PSMD14: variants seen among roughly 807,000 people sequenced by gnomAD.
PSMD14 encodes the protein proteasome 26S subunit, non-ATPase 14.
In PSMD14, 7 loss-of-function variants were observed where a neutral mutation model predicts 41.2. That is an observed-to-expected ratio of 0.17 (90% confidence interval 0.10 to 0.32). The LOEUF is 0.32. Ranked by LOEUF, PSMD14 falls within the 10% of genes least tolerant of loss-of-function variation. The pLI is 1.00. For missense variants in PSMD14, 139 were observed against 375.6 expected (o/e 0.37, Z 5.21); for synonymous variants, 114 against 122.3 (o/e 0.93, Z 0.45).
chr2:161,327,525 A>G (rs1025302455), intron 3 of PSMD14, among the ~76,000 whole-genome samples: 1 of 152,034 alleles, frequency 6.6e-6, no homozygotes, highest in Non-Finnish European at 1.5e-5. Flanking sequence ...CCCTTCCCCA[A>G]TCCCCCCATT....
In PSMD14 at chr2:161,393,921, A is replaced by G. The variant is rs1200270518; in HGVS notation, c.646-1157A>G. On this transcript the variant is annotated intron_variant, in intron 9 of 11. Transcript: ENST00000409682. ...AACTAAGGTGTTTAGTTTCATGATC[A>G]CTGATATAGAATCCAACCCCAATTT... is the stretch of plus-strand genomic sequence containing the variant. Among the ~76,000 whole-genome samples, 5 of 151,222 alleles carry G rather than the reference A, an allele frequency of 3.3e-5. No individual in the cohort carries two copies. In the Admixed American group the frequency reaches 3.3e-4, roughly 10 times the overall value.
chr2:161,365,179 G>A (rs2105255028), intron 3 of PSMD14, among the ~76,000 whole-genome samples: 1 of 152,270 alleles, frequency 6.6e-6, no homozygotes, highest in Middle Eastern at 3.4e-3. Flanking sequence ...TGGCTTTCTT[G>A]TTAGTATGTT....
intron 9 of PSMD14, among the ~76,000 whole-genome samples, chr2:161,391,646 C>T (rs867803342): frequency 2.0e-5 from 3 of 152,062 alleles, no homozygotes; most frequent in Non-Finnish European, 2.9e-5. Context: ...GACTAGAGTG[C>T]AATGGTGTGA....
intron 3 of PSMD14, among the ~76,000 whole-genome samples, chr2:161,359,970 G>T (rs1417388947): frequency 6.6e-6 from 1 of 152,102 alleles, no homozygotes; most frequent in Non-Finnish European, 1.5e-5. Context: ...AGCTAAAGTG[G>T]TAGCACATGA....
At chr2:161,388,915 C>T (rs548154143) in intron 8 of PSMD14, among the ~76,000 whole-genome samples, 7 of 152,026 alleles carry the variant, frequency 4.6e-5, no homozygotes, top group South Asian at 2.1e-4. Flanking sequence ...AGGACATGGC[C>T]GGTTGACTTA....
chr2:161,409,504 G>A (rs1250150064), intron 11 of PSMD14: 4 of 152,166 alleles, frequency 2.6e-5, no homozygotes, highest in African/African-American at 7.2e-5. Context: ...TCATATTGCT[G>A]ATGTTGGCAG....
intron 3 of PSMD14, among the ~76,000 whole-genome samples, chr2:161,349,470 G>A (rs932322840): frequency 1.3e-5 from 2 of 152,144 alleles, no homozygotes; most frequent in African/African-American, 4.8e-5. Context: ...TATTTATTGA[G>A]CATCTTTTTT....
chr2:161,386,038 A>G (rs1683631341), intron 8 of PSMD14, among the ~76,000 whole-genome samples: 1 of 151,842 alleles, frequency 6.6e-6, no homozygotes, highest in African/African-American at 2.4e-5. Context: ...CTTTAAAATA[A>G]ATCCTATAAA....
At chr2:161,343,566 G>T (rs1438099887) in intron 3 of PSMD14, among the ~76,000 whole-genome samples, 3 of 152,194 alleles carry the variant, frequency 2.0e-5, no homozygotes, top group African/African-American at 7.2e-5. Context: ...AGTGGCTCAC[G>T]CCTGTAAACC....
At chr2:161,350,056 A>G (rs1683097349) in intron 3 of PSMD14, among the ~76,000 whole-genome samples, 1 of 152,242 alleles carries the variant, frequency 6.6e-6, no homozygotes, top group Non-Finnish European at 1.5e-5. Context: ...TGCTTATTTA[A>G]AGACAAATAC....
chr2:161,329,148 A>C (rs891042045), intron 3 of PSMD14, among the ~76,000 whole-genome samples: 4 of 152,094 alleles, frequency 2.6e-5, no homozygotes, highest in Non-Finnish European at 5.9e-5. Context: ...TGAGCAAAGG[A>C]GTTATGCTTA....
chr2:161,379,826 C>T (rs1273748013), intron 7 of PSMD14, among the ~76,000 whole-genome samples: 1 of 152,042 alleles, frequency 6.6e-6, no homozygotes, highest in Admixed American at 6.6e-5. Flanking sequence ...TTCAGCCAGG[C>T]TGCTGGGGAG....
chr2:161,407,379 G>C (rs1574145102), intron 10 of PSMD14: 8 of 151,746 alleles, frequency 5.3e-5, no homozygotes, highest in Admixed American at 5.3e-4. Flanking sequence ...TTCTTCTTTC[G>C]GGCTTATGAG....
chr2:161,389,912 T>TTTTTTTTTTTTTA (rs1299369817), intron 8 of PSMD14, among the ~76,000 whole-genome samples: 3 of 130,290 alleles, frequency 2.3e-5, no homozygotes, highest in Admixed American at 7.6e-5. Context: ...TTTTTTTTTT[T>TTTTTTTTTTTTTA]AGAGATGGGG....
intron 3 of PSMD14, among the ~76,000 whole-genome samples, chr2:161,350,067 G>T (rs904284067): frequency 6.6e-6 from 1 of 152,192 alleles, no homozygotes; most frequent in South Asian, 2.1e-4. Flanking sequence ...AGACAAATAC[G>T]TGGTAACATT....
At chr2:161,350,655 G>A (rs947671640) in intron 3 of PSMD14, among the ~76,000 whole-genome samples, 1 of 152,104 alleles carries the variant, frequency 6.6e-6, no homozygotes, top group East Asian at 1.9e-4. Context: ...TCCAATAAGA[G>A]TAAAAACAAA....
chr2:161,381,003 T>C (rs1009574008), intron 7 of PSMD14, among the ~76,000 whole-genome samples: 5 of 152,008 alleles, frequency 3.3e-5, no homozygotes, highest in African/African-American at 1.2e-4. Flanking sequence ...GTGTTGCCTT[T>C]CTTTCCACAC....
chr2:161,368,708 C>T (rs1683392442), intron 5 of PSMD14, among the ~76,000 whole-genome samples: 1 of 151,980 alleles, frequency 6.6e-6, no homozygotes, highest in Admixed American at 6.6e-5. Flanking sequence ...ATTTCTCTTA[C>T]TGAGCCTTGT....
chr2:161,411,564 G>C lies in PSMD14; in HGVS notation c.*164G>C. The C allele has an allele frequency of 2.5e-6, 1 of 402,494 alleles. No individual in the cohort carries two copies. The allele number at this position is 402,494 out of a possible 1,614,324, so 24.9% of individuals were successfully genotyped here. On this transcript the variant is annotated 3_prime_UTR_variant, in exon 12 of 12. Coordinates refer to ENST00000409682, the MANE Select transcript of PSMD14 (RefSeq NM_005805.6). ...CAGTCTCAGTTGTGCAATTACTTCT[G>C]TTTCTTTAGTCAGGGTCTTTGCAGA... is the stretch of plus-strand genomic sequence containing the variant.
Sources: allele counts gnomAD v4.1 joint callset (sites outside exome capture counted in the v4.1 genomes callset), GRCh38; gene constraint gnomAD v4.1.1; transcripts MANE v1.5; gene names NCBI Gene and HGNC (gene_info 2026-07-23, HGNC 2026-07-21).